The following ZBTB21 variants were observed in gnomAD, a reference collection of about 807,000 sequenced individuals.
ZBTB21 encodes zinc finger and BTB domain-containing protein 21.
Under a neutral mutation model 39.8 loss-of-function variants are expected in ZBTB21, and 10 were observed. That is an observed-to-expected ratio of 0.25 (90% CI 0.16 to 0.43). The LOEUF (loss-of-function observed/expected upper bound fraction) is 0.43, where lower values mean the gene tolerates loss of function less well. ZBTB21 is among the 20% of genes least tolerant of loss of function. The pLI, the probability that ZBTB21 is intolerant of heterozygous loss-of-function variation, is 1.00. For synonymous variants in ZBTB21, 551 were observed against 498.8 expected (o/e 1.10, Z -1.40); for missense variants, 1,221 against 1,296.3 (o/e 0.94, Z 0.89).
At chr21:42,009,982 G>A (rs2065940802) in intron 1 of ZBTB21, among the ~76,000 whole-genome samples, 1 of 152,228 alleles carries the variant, frequency 6.6e-6, no homozygotes, top group Non-Finnish European at 1.5e-5. Flanking sequence ...TGGAGCATGC[G>A]CATTCGCGAG....
intron 1 of ZBTB21, among the ~76,000 whole-genome samples, chr21:42,008,342 C>CAAAAAA (rs767411984): frequency 0.027 from 1,441 of 54,266 alleles, 155 homozygotes; most frequent in South Asian, 0.066. Context: ...CCCGTCTCTA[C>CAAAAAA]AAAAAAAAAA....
At chr21:42,001,005 C>T (rs8133949) in intron 2 of ZBTB21, among the ~76,000 whole-genome samples, 30,398 of 152,118 alleles carry the variant, frequency 0.2, 3,444 homozygotes, top group Non-Finnish European at 0.27. Context: ...CTGTCACATA[C>T]ACAAAAATAA....
At position 42,010,274 on chromosome 21, in the gene ZBTB21, C is replaced by G. The variant is rs2065946156; in HGVS notation, c.-101G>C. 1.5e-5 allele frequency: 6 copies of G among 398,536 alleles called. No homozygotes were observed. The highest frequency in any genetic ancestry group is 2.7e-5 in the Non-Finnish European group (6 of 225,986). The allele number at this position is 398,536 out of a possible 1,614,324, so 24.7% of individuals were successfully genotyped here. A position where few individuals can be genotyped will look rare whatever the true frequency, so the allele number is the denominator to read the frequency against. ...CACCGGTCTTCAGTCTCGAGGCAGACGCCGGGCCCCTTTCCGCTCACACTC... is the reference window on the plus strand; with the variant it reads ...CACCGGTCTTCAGTCTCGAGGCAGAGGCCGGGCCCCTTTCCGCTCACACTC... On this transcript the variant is annotated 5_prime_UTR_variant, in exon 1 of 3. Transcript: ENST00000310826.
chr21:42,001,340 C>A (rs975210056), intron 2 of ZBTB21, among the ~76,000 whole-genome samples: 1 of 152,212 alleles, frequency 6.6e-6, no homozygotes, highest in African/African-American at 2.4e-5. Context: ...CTAAGGTCAC[C>A]CAGACAATTA....
At position 42,002,163 on chromosome 21, in the gene ZBTB21, G is replaced by T. The variant is rs146853874; in HGVS notation, c.-14+734C>A. On this transcript the variant is annotated intron_variant, in intron 2 of 2. Transcript: ENST00000310826. ...AGAGACTCTAGATGTCTAGATAGGAGACAGGGGTAGCTAGGAGATGCAGAT... is the reference window on the plus strand; with the variant it reads ...AGAGACTCTAGATGTCTAGATAGGATACAGGGGTAGCTAGGAGATGCAGAT... Among the ~76,000 whole-genome samples the T allele has an allele frequency of 3.2e-3, 493 of 152,330 alleles. 1 individual carries two copies. The highest frequency in any genetic ancestry group is 0.011 in the African/African-American group (451 of 41,570).
chr21:41,999,850 G>C (rs551477276), intron 2 of ZBTB21, among the ~76,000 whole-genome samples: 5 of 152,204 alleles, frequency 3.3e-5, no homozygotes, highest in Non-Finnish European at 5.9e-5. Flanking sequence ...TCTAGGGCTG[G>C]GAGACCTCCA....
chr21:42,007,153 G>A (rs2065888085), intron 1 of ZBTB21, among the ~76,000 whole-genome samples: 1 of 152,196 alleles, frequency 6.6e-6, no homozygotes, highest in Non-Finnish European at 1.5e-5. Flanking sequence ...AGGACTGAAA[G>A]CTATTTAAAG....
Position 41,989,943 on chromosome 21 carries a change from C to T in ZBTB21, c.*952G>A, listed in dbSNP as rs192736081. On this transcript the variant is annotated 3_prime_UTR_variant, in exon 3 of 3. Coordinates refer to ENST00000310826, the MANE Select transcript of ZBTB21 (RefSeq NM_001098402.2). Reference sequence around the variant, plus strand: ...CTGGGATCTATGTAAATATATGTCCCGACCTTATTTGTTACACTAATGTTA... The same window carrying T: ...CTGGGATCTATGTAAATATATGTCCTGACCTTATTTGTTACACTAATGTTA... The T allele has an allele frequency of 1.1e-3, 162 of 152,220 alleles. No homozygotes were observed. Among genetic ancestry groups the T allele is most frequent in the African/African-American group, 3.8e-3 (158 of 41,548 alleles). The allele number at this position is 152,220 out of a possible 1,614,324, so 9.4% of individuals were successfully genotyped here.
chr21:41,992,890 T>C lies in ZBTB21; in HGVS notation c.1206A>G (p.Leu402=), dbSNP rs574225072. 1.3e-4 allele frequency: 210 copies of C among 1,614,256 alleles called. 3 individuals carry two copies. The South Asian group carries it at 2.1e-3, about 16-fold the overall frequency. The change falls in exon 3 of 3, where the codon CTA becomes CTG. Residue 402 remains leucine, a synonymous_variant. Transcript: ENST00000310826. The surrounding 1 kb of genome is among the most constrained non-coding windows in gnomAD (Gnocchi z 4.1). The part of the protein sequence containing the change: ...KTALDDRPQV[L]QPHRLRSFSA... ...TAAAGGACCTGAGGCGATGCGGTTG[T>C]AGCACTTGAGGCCTGTCATCTAGGG...
rs980567452 is a variant in ZBTB21 at position 41,987,650 on chromosome 21, C to T, written c.*3245G>A. The T allele has an allele frequency of 6.6e-6, 1 of 152,162 alleles. No individual in the cohort carries two copies. Among genetic ancestry groups the T allele is most frequent in the Non-Finnish European group, 1.5e-5 (1 of 68,020 alleles). 9.4% of individuals were successfully genotyped at this position (152,162 alleles called of 1,614,324 possible). A position where few individuals can be genotyped will look rare whatever the true frequency, so the allele number is the denominator to read the frequency against. Reference sequence around the variant, plus strand: ...ATCTATTTGGAATTATACCTAATTACTTTTTACTAAGAAACTTCAAATAAT... The same window carrying T: ...ATCTATTTGGAATTATACCTAATTATTTTTTACTAAGAAACTTCAAATAAT... On this transcript the variant is annotated 3_prime_UTR_variant, in exon 3 of 3. Coordinates refer to ENST00000310826, the MANE Select transcript of ZBTB21 (RefSeq NM_001098402.2).
At position 41,990,983 on chromosome 21, in the gene ZBTB21, G is replaced by A; in HGVS notation, c.3113C>T (p.Thr1038Ile). ...TTTACACATAAACTGTCTTTTAAAT[G>A]TGATTGCTGAAAGGGGTGGGGCATG... ...FYHAPPLSAITFKRQFMCKLC... is the reference protein window; with the variant it reads ...FYHAPPLSAIIFKRQFMCKLC... Residue 1038 changes from threonine to isoleucine, a missense_variant, in exon 3 of 3, where the codon ACA (threonine) becomes ATA (isoleucine). Thr to Ile is a moderately conservative substitution (Grantham distance 89). This residue lies in a region of ZBTB21 where 523 missense variants were observed against 542.5 expected (regional missense o/e 0.96). Transcript: ENST00000310826. 1 of 1,536,464 alleles carries A rather than the reference G, an allele frequency of 6.5e-7. No individual in the cohort carries two copies. The highest frequency in any genetic ancestry group is 8.7e-7 in the Non-Finnish European group (1 of 1,144,482).
Position 41,989,960 on chromosome 21 carries a change from C to T in ZBTB21, c.*935G>A, listed in dbSNP as rs2065628831. 6.6e-6 allele frequency: 1 copy of T among 152,150 alleles called. No homozygotes were observed. The highest frequency in any genetic ancestry group is 1.5e-5 in the Non-Finnish European group (1 of 68,008). 9.4% of individuals were successfully genotyped at this position (152,150 alleles called of 1,614,324 possible). ...ATATGTCCCGACCTTATTTGTTACA[C>T]TAATGTTAAAATCAAAATTAGTGCC... On this transcript the variant is annotated 3_prime_UTR_variant, in exon 3 of 3. Transcript: ENST00000310826.
Position 42,010,252 on chromosome 21 carries a change from C to G in ZBTB21, c.-79G>C, listed in dbSNP as rs2065945730. The G allele has an allele frequency of 5.0e-6, 2 of 398,168 alleles. No individual in the cohort carries two copies. The highest frequency in any genetic ancestry group is 1.3e-4 in the South Asian group (1 of 7,838). The allele number at this position is 398,168 out of a possible 1,614,324, so 24.7% of individuals were successfully genotyped here. A position where few individuals can be genotyped will look rare whatever the true frequency, so the allele number is the denominator to read the frequency against. ...AGCTAGGGGCGTGACAGTTACTCACCGGTCTTCAGTCTCGAGGCAGACGCC... is the reference window on the plus strand; with the variant it reads ...AGCTAGGGGCGTGACAGTTACTCACGGGTCTTCAGTCTCGAGGCAGACGCC... On this transcript the variant is annotated splice_region_variant and 5_prime_UTR_variant, in exon 1 of 3. Transcript: ENST00000310826.
At position 41,991,650 on chromosome 21, in the gene ZBTB21, G is replaced by C; in HGVS notation, c.2446C>G (p.His816Asp). 2 of 1,614,160 alleles carry C rather than the reference G, an allele frequency of 1.2e-6. No individual in the cohort carries two copies. Among genetic ancestry groups the C allele is most frequent in the Non-Finnish European group, 1.7e-6 (2 of 1,180,030 alleles). The part of the protein sequence containing the change: ...TENFSLPVLD[H>D]NGDVTGSSRP... ...GAAGAACCAGTCACATCACCATTGTGGTCCAAAACGGGCAAAGAAAAGTTT... is the reference window on the plus strand; with the variant it reads ...GAAGAACCAGTCACATCACCATTGTCGTCCAAAACGGGCAAAGAAAAGTTT... Residue 816 changes from histidine to aspartate, a missense_variant, in exon 3 of 3, where the codon CAC becomes GAC. This residue lies in a region of ZBTB21 where 523 missense variants were observed against 542.5 expected (regional missense o/e 0.96). Coordinates refer to ENST00000310826, the MANE Select transcript of ZBTB21 (RefSeq NM_001098402.2). This position sits in a 1 kb window ranked among gnomAD's most constrained non-coding sequence, Gnocchi z 4.9.
In ZBTB21 at chr21:41,987,551, T is replaced by C. The variant is rs576768058; in HGVS notation, c.*3344A>G. 15 of 152,360 alleles carry C rather than the reference T, an allele frequency of 9.8e-5. No homozygotes were observed. In the East Asian group the frequency reaches 2.9e-3, roughly 29 times the overall value. The allele number at this position is 152,360 out of a possible 1,614,324, so 9.4% of individuals were successfully genotyped here. A position where few individuals can be genotyped will look rare whatever the true frequency, so the allele number is the denominator to read the frequency against. On this transcript the variant is annotated 3_prime_UTR_variant, in exon 3 of 3. Transcript: ENST00000310826. ...AAATCAATAATGCATTTCACAATTA[T>C]TGCAGAAACATCACTGAGACATCGT...
intron 2 of ZBTB21, 68 bp from the exon 3 acceptor site, chr21:41,994,176 G>T: frequency 7.1e-7 from 1 of 1,400,426 alleles, no homozygotes; most frequent in Non-Finnish European, 9.7e-7. Context: ...CTCAAGAGCA[G>T]GGAACATCAG....
At position 41,987,896 on chromosome 21, in the gene ZBTB21, T is replaced by C. The variant is rs1569096633; in HGVS notation, c.*2999A>G. On this transcript the variant is annotated 3_prime_UTR_variant, in exon 3 of 3. Coordinates refer to ENST00000310826, the MANE Select transcript of ZBTB21 (RefSeq NM_001098402.2). ...CAGCAGCTACTCTCATTAGCACCAA[T>C]GGGACTACATATGGATTCAAACGGT... The C allele has an allele frequency of 6.6e-6, 1 of 152,218 alleles. No individual in the cohort carries two copies. Among genetic ancestry groups the C allele is most frequent in the Non-Finnish European group, 1.5e-5 (1 of 68,030 alleles). The allele number at this position is 152,218 out of a possible 1,614,324, so 9.4% of individuals were successfully genotyped here.
At chr21:42,006,248 C>G (rs1205318792) in intron 1 of ZBTB21, among the ~76,000 whole-genome samples, 1 of 151,922 alleles carries the variant, frequency 6.6e-6, no homozygotes, top group African/African-American at 2.4e-5. Flanking sequence ...TACCCTGTCT[C>G]TACTAAAAAT....
At chr21:41,994,405 G>A (rs2065718406) in intron 2 of ZBTB21, among the ~76,000 whole-genome samples, 1 of 152,158 alleles carries the variant, frequency 6.6e-6, no homozygotes, top group Non-Finnish European at 1.5e-5. Context: ...AGCAATATTT[G>A]AAAATAAAGG....
Sources: allele counts gnomAD v4.1 joint callset (sites outside exome capture counted in the v4.1 genomes callset), GRCh38; gene constraint gnomAD v4.1.1; regional missense constraint gnomAD v4.1.1; non-coding constraint Gnocchi (gnomAD v3.1); transcripts MANE v1.5; gene names NCBI Gene and HGNC (gene_info 2026-07-23, HGNC 2026-07-21).